The following CDH23 variants were observed in gnomAD, a reference collection of about 807,000 sequenced individuals.
CDH23 encodes the protein cadherin related 23, also known as cadherin-23.
Under a neutral mutation model 317.1 loss-of-function variants are expected in CDH23, and 189 were observed. The observed-to-expected ratio is 0.60, with a 90% CI of 0.53 to 0.67. CDH23 has a LOEUF of 0.67. Among genes scored for constraint, CDH23 ranks in the 30% least tolerant of loss-of-function variants. The probability of loss-of-function intolerance (pLI) is 0.00; values close to 1 mark genes in which losing one functional copy is unlikely to be tolerated. For missense variants in CDH23, 4,401 were observed against 4,592.4 expected, an observed-to-expected ratio of 0.96 and a Z score of 1.20; for synonymous variants, 1,839 against 1,876.8, an observed-to-expected ratio of 0.98 and a Z score of 0.52.
chr10:71,653,723 C>T (rs1281711511), intron 14 of CDH23, among the ~76,000 whole-genome samples: 3 of 152,198 alleles, frequency 2.0e-5, no homozygotes, highest in Non-Finnish European at 4.4e-5. Context: ...AATTCTGGCT[C>T]TGCTGCCTGC....
intron 14 of CDH23, among the ~76,000 whole-genome samples, chr10:71,668,517 G>A (rs1012886467): frequency 8.5e-5 from 13 of 152,314 alleles, no homozygotes; most frequent in African/African-American, 3.1e-4. Context: ...CGCTGTGACT[G>A]TTTCACCCTG....
intron 41 of CDH23, 131 bp from the exon 42 acceptor site, chr10:71,784,156 G>A: frequency 1.1e-6 from 1 of 907,122 alleles, no homozygotes; most frequent in Non-Finnish European, 1.6e-6. Flanking sequence ...TGGGGTCACT[G>A]GAGGACCCGG....
intron 38 of CDH23, chr10:71,742,127 T>C (rs1839753285): frequency 6.8e-6 from 4 of 586,624 alleles, no homozygotes; most frequent in South Asian, 4.4e-5. Context: ...GGTGCTAGTT[T>C]GGCCTCCCGA....
At chr10:71,683,194 A>G (rs1165222906) in intron 18 of CDH23, among the ~76,000 whole-genome samples, 2 of 152,112 alleles carry the variant, frequency 1.3e-5, no homozygotes, top group African/African-American at 2.4e-5. Flanking sequence ...AGCGGGACCA[A>G]TGGGCCCCTC....
chr10:71,792,719 G>A (rs928087958), intron 47 of CDH23, among the ~76,000 whole-genome samples: 1 of 148,926 alleles, frequency 6.7e-6, no homozygotes, highest in Non-Finnish European at 1.5e-5. Flanking sequence ...CTACTCAGGA[G>A]TCTGCTGCAT....
In CDH23 at chr10:71,446,330, G is replaced by C; in HGVS notation, c.80G>C (p.Arg27Pro). 6.2e-7 allele frequency: 1 copy of C among 1,614,028 alleles called. No homozygotes were observed. Among genetic ancestry groups the C allele is most frequent in the Non-Finnish European group, 8.5e-7 (1 of 1,179,894 alleles). The change falls in exon 3 of 70, where the codon CGG (arginine) becomes CCG (proline). Residue 27 changes from arginine (R) to proline (P), a missense_variant. Arg to Pro is a moderately radical substitution (Grantham distance 103). This residue lies in a region of CDH23 where 3,068 missense variants were observed against 3,203.3 expected (regional missense o/e 0.96). Coordinates refer to ENST00000224721, the MANE Select transcript of CDH23 (RefSeq NM_022124.6). Reference sequence around the variant, plus strand: ...CTCTGACTTCCAGGCCAGGTGAACCGGCTGCCCTTCTTCACCAACCACTTC... The same window carrying C: ...CTCTGACTTCCAGGCCAGGTGAACCCGCTGCCCTTCTTCACCAACCACTTC... ...LISGCWGQVN[R>P]LPFFTNHFFD...
chr10:71,438,901 G>C (rs1008270971), intron 1 of CDH23, among the ~76,000 whole-genome samples: 18 of 152,170 alleles, frequency 1.2e-4, no homozygotes, highest in African/African-American at 4.3e-4. Flanking sequence ...GCACTACCAG[G>C]GCAGACAGTT....
chr10:71,617,081 T>G, intron 10 of CDH23, 124 bp from the exon 11 acceptor site: 9 of 1,289,990 alleles, frequency 7.0e-6, no homozygotes, highest in African/African-American at 1.5e-5. Context: ...GGAGTTGTGG[T>G]GAGGATTAGA....
intron 1 of CDH23, among the ~76,000 whole-genome samples, chr10:71,425,739 G>A (rs547613710): frequency 1.5e-4 from 23 of 152,358 alleles, no homozygotes; most frequent in Admixed American, 1.5e-3. Flanking sequence ...GATCCTCAGG[G>A]TCAAGTTGAT....
chr10:71,436,165 C>T (rs1352955424), intron 1 of CDH23, among the ~76,000 whole-genome samples: 5 of 152,230 alleles, frequency 3.3e-5, no homozygotes, highest in African/African-American at 9.6e-5. Context: ...TCCCTGCTTC[C>T]GAATGCTTTG....
At chr10:71,620,313 A>G (rs1016630370) in intron 11 of CDH23, among the ~76,000 whole-genome samples, 1 of 152,098 alleles carries the variant, frequency 6.6e-6, no homozygotes, top group African/African-American at 2.4e-5. Context: ...AGGCATGTAC[A>G]GGGCGTGGCA....
At chr10:71,533,938 C>G (rs3861028) in intron 6 of CDH23, among the ~76,000 whole-genome samples, 60,009 of 151,598 alleles carry the variant, frequency 0.4, 13,624 homozygotes, top group African/African-American at 0.62. Flanking sequence ...GGTTTCAAAA[C>G]CAGCACCTTT....
intron 38 of CDH23, among the ~76,000 whole-genome samples, chr10:71,755,969 T>C (rs1303868910): frequency 6.6e-6 from 1 of 152,102 alleles, no homozygotes; most frequent in Admixed American, 6.6e-5. Context: ...AATTTTACAT[T>C]ATATATGTTT....
intron 38 of CDH23, among the ~76,000 whole-genome samples, chr10:71,759,928 CACAT>C (rs1347213445): frequency 0.032 from 2,683 of 83,216 alleles, 729 homozygotes; most frequent in African/African-American, 0.092. Flanking sequence ...TATACACACA[CACAT>C]ATATACACAC....
rs760876579 is a variant in CDH23, at chr10:71,702,005, T to C, written c.2398-17T>C. The C allele has an allele frequency of 3.1e-6, 5 of 1,613,182 alleles. No individual in the cohort carries two copies. The highest frequency in any genetic ancestry group is 2.2e-5 in the East Asian group (1 of 44,864). On this transcript the variant is annotated splice_polypyrimidine_tract_variant and intron_variant, in intron 22 of 69. Transcript: ENST00000224721. ...CCAGGCGCGGCTCAGTGAAGGGGTCTGCTCCCTCCCGGGCAGGTGGTGGCT... is the reference window on the plus strand; with the variant it reads ...CCAGGCGCGGCTCAGTGAAGGGGTCCGCTCCCTCCCGGGCAGGTGGTGGCT...
chr10:71,813,226 A>T lies in CDH23; in HGVS notation c.9634-18A>T. ...CAGGGGAGGGCCTTGGTGGGGGTTA[A>T]CCCTTTCCCTCCCCCAGGGCTCGCT... On this transcript the variant is annotated intron_variant, in intron 68 of 69. Coordinates refer to ENST00000224721, the MANE Select transcript of CDH23 (RefSeq NM_022124.6). The T allele has an allele frequency of 1.3e-6, 2 of 1,550,276 alleles. No homozygotes were observed. Among genetic ancestry groups the T allele is most frequent in the Non-Finnish European group, 1.7e-6 (2 of 1,146,124 alleles).
Position 71,646,447 on chromosome 10 carries a change from C to G in CDH23, c.1291-12C>G, listed in dbSNP as rs1431864399. The G allele has an allele frequency of 6.2e-7, 1 of 1,612,696 alleles. No individual in the cohort carries two copies. Among genetic ancestry groups the G allele is most frequent in the Non-Finnish European group, 8.5e-7 (1 of 1,179,400 alleles). On this transcript the variant is annotated splice_polypyrimidine_tract_variant and intron_variant, in intron 13 of 69. Transcript: ENST00000224721. ...GTGGGAGCTTACCTGGGCCCCTGTTCTGCACCCCCAGCTCTTTGCCAATGA... is the reference window on the plus strand; with the variant it reads ...GTGGGAGCTTACCTGGGCCCCTGTTGTGCACCCCCAGCTCTTTGCCAATGA...
rs771275265 is a variant in CDH23 at position 71,645,831 on chromosome 10, G to A, written c.1141G>A (p.Gly381Ser). The A allele has an allele frequency of 6.2e-7, 1 of 1,609,914 alleles. No homozygotes were observed. Among genetic ancestry groups the A allele is most frequent in the Admixed American group, 1.7e-5 (1 of 59,858 alleles). ...IQVVDKDENL[G>S]LNSMFEVYLV... ...GGCTTCTTCTGCACTCTTGACCCAG[G>A]GCCTGAACAGCATGTTTGAGGTGTA... Residue 381 changes from glycine (G) to serine (S), a missense_variant and splice_region_variant, in exon 13 of 70, where the codon GGC becomes AGC. Around this residue, in one of 3 missense-constraint regions of CDH23, gnomAD observed 3,068 missense variants for 3,203.3 expected, o/e 0.96. Coordinates refer to ENST00000224721, the MANE Select transcript of CDH23 (RefSeq NM_022124.6).
intron 25 of CDH23, among the ~76,000 whole-genome samples, chr10:71,705,635 C>G (rs1174064804): frequency 6.6e-6 from 1 of 152,220 alleles, no homozygotes; most frequent in African/African-American, 2.4e-5. Context: ...AGATCCTCAT[C>G]CCCCTGGGAC....
Sources: allele counts gnomAD v4.1 joint callset (sites outside exome capture counted in the v4.1 genomes callset), GRCh38; gene constraint gnomAD v4.1.1; regional missense constraint gnomAD v4.1.1; transcripts MANE v1.5; gene names NCBI Gene and HGNC (gene_info 2026-07-23, HGNC 2026-07-21).